Variants in SEMA3A observed in about 807,000 individuals in gnomAD.
The protein encoded by SEMA3A is semaphorin-3A.
A neutral mutation model predicts 97.9 loss-of-function variants in SEMA3A; 29 were observed. That is an observed-to-expected ratio of 0.30 (90% CI 0.22 to 0.40). The LOEUF is 0.40. SEMA3A is among the 10% of genes least tolerant of loss of function. The pLI, the probability that SEMA3A is intolerant of heterozygous loss-of-function variation, is 1.00. For missense variants in SEMA3A, 763 were observed against 951.3 expected, an observed-to-expected ratio of 0.80 and a Z score of 2.60; for synonymous variants, 321 against 323.7, an observed-to-expected ratio of 0.99 and a Z score of 0.09.
chr7:83,989,654 T>C (rs1193510671), intron 12 of SEMA3A, among the ~76,000 whole-genome samples: 6 of 127,572 alleles, frequency 4.7e-5, no homozygotes, highest in Non-Finnish European at 8.2e-5. Flanking sequence ...AACTCATCAT[T>C]TTTTATGGCT....
rs374616212 is a variant in SEMA3A, at chr7:84,442,833, A to G, written c.-246+49627T>C. 7.0e-4 allele frequency among the ~76,000 whole-genome samples: 106 copies of G among 152,258 alleles called. 1 individual carries two copies. Among genetic ancestry groups the G allele is most frequent in the African/African-American group, 2.3e-3 (97 of 41,570 alleles). ...GTCAGCAGTAGTTGGATTTAATAAT[A>G]TCAGACAAAATGGACTAAGACAAAA... On this transcript the variant is annotated intron_variant, in intron 1 of 3. Transcript: ENST00000424555.
At chr7:84,483,528 C>T (rs1315808789) in intron 1 of SEMA3A, among the ~76,000 whole-genome samples, 2 of 152,144 alleles carry the variant, frequency 1.3e-5, no homozygotes, top group African/African-American at 4.8e-5. Flanking sequence ...TCACTTGCCA[C>T]ATTTTGACCT....
chr7:84,039,373 G>C (rs762145933), intron 6 of SEMA3A, among the ~76,000 whole-genome samples: 2 of 152,094 alleles, frequency 1.3e-5, no homozygotes, highest in Non-Finnish European at 2.9e-5. Context: ...AGATTCATTA[G>C]TTTCTTATTT....
In SEMA3A at chr7:83,994,270, C is replaced by T. The variant is rs369997613; in HGVS notation, c.1452+7685G>A. ...TTTGCCTTTGGTTTGAATGTCCTCCCGTAGCTCAGAGTAATTTGATCGTCT... is the reference window on the plus strand; with the variant it reads ...TTTGCCTTTGGTTTGAATGTCCTCCTGTAGCTCAGAGTAATTTGATCGTCT... On this transcript the variant is annotated intron_variant, in intron 12 of 16. Transcript: ENST00000265362. 2.8e-5 allele frequency among the ~76,000 whole-genome samples: 3 copies of T among 105,780 alleles called. 1 individual carries two copies. The highest frequency in any genetic ancestry group is 3.9e-5 in the Non-Finnish European group (2 of 51,704). The allele number at this position is 105,780 out of a possible 152,430, so 69.4% of individuals were successfully genotyped here.
At chr7:84,202,677 C>T (rs1036422790) in intron 3 of SEMA3A, among the ~76,000 whole-genome samples, 1 of 152,114 alleles carries the variant, frequency 6.6e-6, no homozygotes, top group Non-Finnish European at 1.5e-5. Context: ...TTTTACTTAT[C>T]ACATACCTTG....
chr7:84,093,564 G>A (rs1366306531), intron 4 of SEMA3A, among the ~76,000 whole-genome samples: 1 of 151,996 alleles, frequency 6.6e-6, no homozygotes, highest in Non-Finnish European at 1.5e-5. Context: ...GGAACTGAAA[G>A]AACAAGACAT....
intron 4 of SEMA3A, among the ~76,000 whole-genome samples, chr7:84,079,900 G>A (rs1456271619): frequency 8.8e-5 from 13 of 147,410 alleles, no homozygotes; most frequent in South Asian, 2.2e-4. Context: ...AGACACTTGC[G>A]CACGTATGTT....
Position 83,961,639 on chromosome 7 carries a change from CCAT to C in SEMA3A, c.2045_2047del (p.Asp682del). The stretch of plus-strand genomic sequence containing the variant: ...CATTTCTTTGGTCTTAGAGCCATCT[CCAT>C]CATCATCTTTATGAAGAAGTTCTTC... On this transcript the variant is annotated inframe_deletion, in exon 17 of 17. Transcript: ENST00000265362. 1.9e-6 allele frequency: 3 copies of C among 1,613,940 alleles called. No homozygotes were observed. Among genetic ancestry groups the C allele is most frequent in the Non-Finnish European group, 2.5e-6 (3 of 1,179,908 alleles).
intron 1 of SEMA3A, among the ~76,000 whole-genome samples, chr7:84,470,654 G>A (rs1229610203): frequency 6.6e-6 from 1 of 151,768 alleles, no homozygotes; most frequent in Non-Finnish European, 1.5e-5. Context: ...ACTTACTTAC[G>A]GTATATAGCA....
Position 84,007,770 on chromosome 7 carries a change from GT to G in SEMA3A, c.996-274del, listed in dbSNP as rs1374279882. Among the ~76,000 whole-genome samples the G allele has an allele frequency of 6.6e-5, 10 of 152,258 alleles. No individual in the cohort carries two copies. The East Asian group carries it at 9.6e-4, about 15-fold the overall frequency. On this transcript the variant is annotated intron_variant, in intron 9 of 16. Coordinates refer to ENST00000265362, the MANE Select transcript of SEMA3A (RefSeq NM_006080.3). ...CTTCATATGAAACATAGAGTACTAA[GT>G]TTTGATAGGAAAAACAAATACATAT...
chr7:84,161,077 A>C (rs1216051299), intron 1 of SEMA3A, among the ~76,000 whole-genome samples: 1 of 151,350 alleles, frequency 6.6e-6, no homozygotes, highest in South Asian at 2.1e-4. Flanking sequence ...AAGAATTTTA[A>C]AATTTAGGCC....
intron 4 of SEMA3A, among the ~76,000 whole-genome samples, chr7:84,086,558 T>TTATTATATTATATTTACATA (rs1562770340): frequency 3.1e-4 from 15 of 47,926 alleles, no homozygotes; most frequent in African/African-American, 6.1e-4. Context: ...ATATAATATA[T>TTATTATATTATATTTACATA]TATTATATTA....
intron 1 of SEMA3A, among the ~76,000 whole-genome samples, chr7:84,405,235 G>A (rs1804044618): frequency 6.6e-6 from 1 of 152,036 alleles, no homozygotes; most frequent in Non-Finnish European, 1.5e-5. Flanking sequence ...AAAAGGCAGG[G>A]TTTACAATCC....
chr7:84,315,802 T>C (rs1801479896), intron 2 of SEMA3A, among the ~76,000 whole-genome samples: 1 of 152,104 alleles, frequency 6.6e-6, no homozygotes, highest in Non-Finnish European at 1.5e-5. Flanking sequence ...TAAGATGTTT[T>C]GATGCTATTT....
At chr7:84,286,620 T>C (rs1800595557) in intron 3 of SEMA3A, among the ~76,000 whole-genome samples, 1 of 152,140 alleles carries the variant, frequency 6.6e-6, no homozygotes, top group African/African-American at 2.4e-5. Flanking sequence ...AGAATGGCTC[T>C]TTAAAGATAC....
intron 1 of SEMA3A, among the ~76,000 whole-genome samples, chr7:84,451,313 C>G (rs891117103): frequency 6.6e-6 from 1 of 152,130 alleles, no homozygotes; most frequent in African/African-American, 2.4e-5. Flanking sequence ...TTTTTTCCTT[C>G]CCCCTTGGGT....
intron 1 of SEMA3A, among the ~76,000 whole-genome samples, chr7:84,140,295 G>C (rs1331453623): frequency 6.6e-6 from 1 of 152,052 alleles, no homozygotes; most frequent in Non-Finnish European, 1.5e-5. Context: ...TTCTCAAAAA[G>C]GCAATGAAAT....
intron 2 of SEMA3A, among the ~76,000 whole-genome samples, chr7:84,370,431 CTCT>C (rs1055251423): frequency 2.2e-4 from 33 of 151,604 alleles, no homozygotes; most frequent in African/African-American, 7.2e-4. Context: ...TAGCAGACAC[CTCT>C]TAAGATAAAA....
chr7:84,164,772 A>T (rs1210263912), intron 1 of SEMA3A, among the ~76,000 whole-genome samples: 4 of 152,160 alleles, frequency 2.6e-5, no homozygotes, highest in Non-Finnish European at 5.9e-5. Context: ...GCCCTGAAAC[A>T]ATGAATCAGA....
Sources: gnomAD v4.1 joint callset for allele counts (sites outside exome capture counted in the v4.1 genomes callset) on GRCh38, gnomAD v4.1.1 for gene constraint, MANE v1.5 for transcripts, NCBI Gene and HGNC (gene_info 2026-07-23, HGNC 2026-07-21) for gene names.